BRD10: variants seen among roughly 807,000 people sequenced by gnomAD.
BRD10 encodes uncharacterized bromodomain-containing protein 10.
At chr9:5,973,266 A>C in the BRD10 span, among the ~76,000 whole-genome samples, 1 of 152,178 alleles carries the variant, frequency 6.6e-6, no homozygotes, top group African/African-American at 2.4e-5. Context: ...CAGAAGTTTG[A>C]GACCAGCCTG....
the BRD10 span, among the ~76,000 whole-genome samples, chr9:5,958,515 ATCCCAGCTCGCCTGTGG>A: frequency 6.6e-6 from 1 of 152,208 alleles, no homozygotes; most frequent in African/African-American, 2.4e-5. Context: ...CATGCCTGTG[ATCCCAGCTCGCCTGTGG>A]TCCCAGCTAC....
chr9:5,985,810 G>T, the BRD10 span, among the ~76,000 whole-genome samples: 11 of 141,840 alleles, frequency 7.8e-5, no homozygotes, highest in Middle Eastern at 3.9e-3. Context: ...AATAAATAAA[G>T]AATTCTTACA....
At chr9:5,941,535 T>G in the BRD10 span, among the ~76,000 whole-genome samples, 1 of 152,188 alleles carries the variant, frequency 6.6e-6, no homozygotes, top group East Asian at 1.9e-4. Context: ...GAGGACTTTT[T>G]TGACTAAACC....
the BRD10 span, among the ~76,000 whole-genome samples, chr9:5,917,111 T>C: frequency 7.2e-5 from 11 of 152,342 alleles, no homozygotes; most frequent in African/African-American, 2.4e-4. Context: ...TTGAATACAG[T>C]GTGCCAGGTG....
chr9:5,922,934 G>C, the BRD10 span: 2 of 1,613,994 alleles, frequency 1.2e-6, no homozygotes, highest in Admixed American at 1.7e-5. Context: ...CAGTTGATTT[G>C]TTAAGGTCAC....
the BRD10 span, among the ~76,000 whole-genome samples, chr9:5,975,658 T>C: frequency 6.6e-6 from 1 of 151,936 alleles, no homozygotes; most frequent in Non-Finnish European, 1.5e-5. Flanking sequence ...AAAAGATTAG[T>C]GAACTTGAAG....
chr9:5,967,169 C>T, the BRD10 span, among the ~76,000 whole-genome samples: 1 of 152,058 alleles, frequency 6.6e-6, no homozygotes, highest in African/African-American at 2.4e-5. Context: ...TGAAGAGCCA[C>T]CAGATTTTAA....
chr9:5,927,701 T>G, the BRD10 span, among the ~76,000 whole-genome samples: 6 of 152,194 alleles, frequency 3.9e-5, no homozygotes. Flanking sequence ...AACATTTTCT[T>G]TACCTGGTTT....
the BRD10 span, among the ~76,000 whole-genome samples, chr9:5,916,472 G>A: frequency 6.6e-6 from 1 of 151,140 alleles, no homozygotes; most frequent in East Asian, 1.9e-4. Flanking sequence ...CAGCTATTTA[G>A]TATTACACAT....
At chr9:5,919,206 C>T in the BRD10 span, 1 of 153,226 alleles carries the variant, frequency 6.5e-6, no homozygotes, top group Non-Finnish European at 1.5e-5. Context: ...TACAATTTTA[C>T]ATCATGGACT....
chr9:5,992,607 A>G, the BRD10 span, among the ~76,000 whole-genome samples: 1 of 152,184 alleles, frequency 6.6e-6, no homozygotes, highest in Non-Finnish European at 1.5e-5. Context: ...AAATCATTTC[A>G]TGAAATCTGA....
chr9:5,927,619 A>T, the BRD10 span, among the ~76,000 whole-genome samples: 169 of 152,300 alleles, frequency 1.1e-3, no homozygotes, highest in Middle Eastern at 3.4e-3. Flanking sequence ...TATGATCCTC[A>T]TGTTGCCAAA....
the BRD10 span, among the ~76,000 whole-genome samples, chr9:5,904,655 T>G: frequency 6.6e-6 from 1 of 152,122 alleles, no homozygotes; most frequent in Non-Finnish European, 1.5e-5. Context: ...GTATTTTTAG[T>G]AGAGACGGGG....
At chr9:5,953,307 T>A in the BRD10 span, among the ~76,000 whole-genome samples, 2 of 152,102 alleles carry the variant, frequency 1.3e-5, no homozygotes, top group Admixed American at 6.6e-5. Flanking sequence ...TACAAAGACG[T>A]TTTTAAAGAA....
chr9:5,916,555 T>C, the BRD10 span, among the ~76,000 whole-genome samples: 3 of 121,064 alleles, frequency 2.5e-5, no homozygotes, highest in African/African-American at 9.6e-5. Flanking sequence ...AACTAATCAC[T>C]ATATATAAAA....
At chr9:6,004,508 T>C in the BRD10 span, among the ~76,000 whole-genome samples, 3 of 152,216 alleles carry the variant, frequency 2.0e-5, no homozygotes, top group African/African-American at 4.8e-5. Context: ...TTACCTAATA[T>C]ACCTCATTTA....
the BRD10 span, chr9:5,899,181 A>T: frequency 6.6e-6 from 1 of 152,198 alleles, no homozygotes; most frequent in Non-Finnish European, 1.5e-5. Flanking sequence ...CATAATGGAA[A>T]AAAAGTATCT....
the BRD10 span, chr9:6,007,886 T>C: frequency 7.3e-7 from 1 of 1,365,766 alleles, no homozygotes; most frequent in Non-Finnish European, 9.4e-7. Context: ...CCGCGGCGCG[T>C]AGCCCCCGCC....
chr9:5,938,504 T>G, the BRD10 span, among the ~76,000 whole-genome samples: 36 of 152,252 alleles, frequency 2.4e-4, no homozygotes, highest in African/African-American at 8.2e-4. Flanking sequence ...AGGTTGAGGA[T>G]AAAATCTTAC....
Sources: gnomAD v4.1 joint callset for allele counts (sites outside exome capture counted in the v4.1 genomes callset) on GRCh38, gnomAD v4.1.1 for gene constraint, MANE v1.5 for transcripts, NCBI Gene and HGNC (gene_info 2026-07-23, HGNC 2026-07-21) for gene names.